HIVEP1: variants seen among roughly 807,000 people sequenced by gnomAD.
HIVEP1 encodes HIVEP zinc finger 1.
In HIVEP1, 36 loss-of-function variants were observed where a neutral mutation model predicts 180.0. The observed-to-expected ratio is 0.20, with a 90% CI of 0.15 to 0.26. The LOEUF (loss-of-function observed/expected upper bound fraction) is 0.26, where lower values mean the gene tolerates loss of function less well. Among genes scored for constraint, HIVEP1 ranks in the 10% least tolerant of loss-of-function variants. The probability of loss-of-function intolerance (pLI) is 1.00; values close to 1 mark genes in which losing one functional copy is unlikely to be tolerated. For missense variants in HIVEP1, 3,143 were observed against 3,268.7 expected, an observed-to-expected ratio of 0.96 and a Z score of 0.94; for synonymous variants, 1,239 against 1,239.0, an observed-to-expected ratio of 1.00 and a Z score of 0.00.
At chr6:12,050,606 A>G (rs7773907) in intron 2 of HIVEP1, among the ~76,000 whole-genome samples, 37,442 of 151,472 alleles carry the variant, frequency 0.25, 5,024 homozygotes, top group African/African-American at 0.36. Context: ...AAATAAAAAA[A>G]TTAAACACCA....
At chr6:12,026,868 A>T (rs983783391) in intron 2 of HIVEP1, among the ~76,000 whole-genome samples, 1 of 152,232 alleles carries the variant, frequency 6.6e-6, no homozygotes, top group Non-Finnish European at 1.5e-5. Context: ...AAATATCTTT[A>T]GTTTCTTCTT....
intron 2 of HIVEP1, chr6:12,037,956 C>A (rs1769402535): frequency 2.6e-6 from 1 of 387,850 alleles, no homozygotes; most frequent in Non-Finnish European, 4.5e-6. Context: ...CTCAAGTGAA[C>A]CTCCTGTGTT....
intron 2 of HIVEP1, among the ~76,000 whole-genome samples, chr6:12,050,858 A>G (rs933662705): frequency 1.2e-4 from 18 of 151,432 alleles, no homozygotes; most frequent in African/African-American, 3.6e-4. Context: ...GAAATGTTCT[A>G]TTGATGAAGG....
At chr6:12,153,389 G>T (rs1021954464) in intron 7 of HIVEP1, among the ~76,000 whole-genome samples, 1 of 152,060 alleles carries the variant, frequency 6.6e-6, no homozygotes, top group African/African-American at 2.4e-5. Flanking sequence ...GTAATTAACT[G>T]CATTTTTCAT....
intron 3 of HIVEP1, among the ~76,000 whole-genome samples, chr6:12,100,796 T>C (rs1035814980): frequency 6.6e-6 from 1 of 152,160 alleles, no homozygotes; most frequent in Non-Finnish European, 1.5e-5. Flanking sequence ...TTGGAAACTT[T>C]TTGAGCACTA....
chr6:12,122,242 C>T lies in HIVEP1; in HGVS notation c.2447C>T (p.Pro816Leu), dbSNP rs1192406034. The change falls in exon 4 of 9, where the codon CCT (proline) becomes CTT (leucine). Residue 816 changes from proline (P) to leucine (L), a missense_variant. Physicochemically the swap from Pro to Leu is moderately conservative, Grantham distance 98 (BLOSUM62 -3). Around this residue, in one of 12 missense-constraint regions of HIVEP1, gnomAD observed 204 missense variants for 243.7 expected, o/e 0.84. Transcript: ENST00000379388. ...GATATACCGAAGTCACCTTTCACCCCTACTGAAAAATCAAAGCAAGTGTTT... is the reference window on the plus strand; with the variant it reads ...GATATACCGAAGTCACCTTTCACCCTTACTGAAAAATCAAAGCAAGTGTTT... ...SSDIPKSPFT[P>L]TEKSKQVFLL... The T allele has an allele frequency of 3.1e-6, 5 of 1,614,076 alleles. No homozygotes were observed. The highest frequency in any genetic ancestry group is 2.2e-5 in the East Asian group (1 of 44,896).
At chr6:12,051,005 T>C (rs1236882055) in intron 2 of HIVEP1, among the ~76,000 whole-genome samples, 1 of 116,032 alleles carries the variant, frequency 8.6e-6, no homozygotes, top group African/African-American at 4.8e-5. Context: ...CAAGTGCATA[T>C]ATATATATAT....
intron 2 of HIVEP1, among the ~76,000 whole-genome samples, chr6:12,065,458 C>T (rs898391144): frequency 1.3e-5 from 2 of 152,150 alleles, no homozygotes; most frequent in Non-Finnish European, 2.9e-5. Flanking sequence ...GAGAAGTTGC[C>T]AGGTCAGGCA....
chr6:12,069,813 C>G (rs1020393960), intron 2 of HIVEP1, among the ~76,000 whole-genome samples: 1 of 151,814 alleles, frequency 6.6e-6, no homozygotes, highest in African/African-American at 2.4e-5. Context: ...TAATTTTTAA[C>G]TTTTTGACTC....
Position 12,089,172 on chromosome 6 carries a change from T to G in HIVEP1, c.41-12T>G, listed in dbSNP as rs747287534. ...GTAAATTAATTTATAAATTTTTCTC[T>G]GTTTTTCTTAGACAAAATTGAAGAA... On this transcript the variant is annotated splice_polypyrimidine_tract_variant and intron_variant, in intron 2 of 8. Coordinates refer to ENST00000379388, the MANE Select transcript of HIVEP1 (RefSeq NM_002114.4). The G allele has an allele frequency of 1.4e-6, 2 of 1,451,508 alleles. No individual in the cohort carries two copies. The highest frequency in any genetic ancestry group is 1.9e-6 in the Non-Finnish European group (2 of 1,040,618). The allele number at this position is 1,451,508 out of a possible 1,614,324, so 89.9% of individuals were successfully genotyped here.
Position 12,121,307 on chromosome 6 carries a change from A to G in HIVEP1, c.1512A>G (p.Arg504=). 1 of 1,614,192 alleles carries G rather than the reference A, an allele frequency of 6.2e-7. No homozygotes were observed. Reference sequence around the variant, plus strand: ...AGGAGGAAGGCGCCACTGATGAGAGACAGCATGACCTGGGCGCCATGGAGC... The same window carrying G: ...AGGAGGAAGGCGCCACTGATGAGAGGCAGCATGACCTGGGCGCCATGGAGC... ...ESEEEGATDE[R]QHDLGAMELQ... is the part of the protein sequence containing the mutation. Residue 504 remains arginine (R), a synonymous_variant, in exon 4 of 9, where the codon AGA becomes AGG. Coordinates refer to ENST00000379388, the MANE Select transcript of HIVEP1 (RefSeq NM_002114.4). The surrounding 1 kb of genome is among the most constrained non-coding windows in gnomAD (Gnocchi z 5.3).
At chr6:12,093,608 T>C (rs1053989135) in intron 3 of HIVEP1, among the ~76,000 whole-genome samples, 4 of 151,924 alleles carry the variant, frequency 2.6e-5, no homozygotes, top group African/African-American at 9.7e-5. Context: ...TTTTCTCAAG[T>C]GGGTAACCAT....
At chr6:12,169,874 A>G (rs1283723320), downstream of HIVEP1, among the ~76,000 whole-genome samples, 1 of 152,192 alleles carries the variant, frequency 6.6e-6, no homozygotes, top group African/African-American at 2.4e-5. Flanking sequence ...TAATCCCAGC[A>G]CTTCGGGAGG....
At chr6:12,196,368 T>C in the HIVEP1 span, among the ~76,000 whole-genome samples, 1 of 152,188 alleles carries the variant, frequency 6.6e-6, no homozygotes, top group Admixed American at 6.5e-5. Context: ...TTATAAGTCA[T>C]CTTTGGCAGT....
intron 2 of HIVEP1, among the ~76,000 whole-genome samples, chr6:12,033,958 G>C (rs1347817238): frequency 6.6e-6 from 1 of 152,180 alleles, no homozygotes; most frequent in African/African-American, 2.4e-5. Context: ...TTGTTGTAAG[G>C]TGAAATCAGG....
intron 3 of HIVEP1, among the ~76,000 whole-genome samples, chr6:12,116,713 C>CA (rs137923252): frequency 0.012 from 1,885 of 152,132 alleles, 15 homozygotes; most frequent in Non-Finnish European, 0.019. Flanking sequence ...GAACACAACT[C>CA]AAAAAAGACT....
At chr6:12,085,627 T>C (rs991332589) in intron 2 of HIVEP1, among the ~76,000 whole-genome samples, 2 of 152,128 alleles carry the variant, frequency 1.3e-5, no homozygotes, top group Non-Finnish European at 2.9e-5. Context: ...ACAGCATTCA[T>C]TGAACCAAAT....
chr6:12,170,358 G>T, the HIVEP1 span, among the ~76,000 whole-genome samples: 1 of 152,082 alleles, frequency 6.6e-6, no homozygotes, highest in Non-Finnish European at 1.5e-5. Flanking sequence ...AAGGGACTTG[G>T]TTAAGCAGAG....
At chr6:12,131,161 TA>T (rs1354953752) in intron 6 of HIVEP1, among the ~76,000 whole-genome samples, 1 of 151,652 alleles carries the variant, frequency 6.6e-6, no homozygotes, top group Admixed American at 6.6e-5. Context: ...ATAATAAATA[TA>T]ATATTTTTAA....
Sources: allele counts gnomAD v4.1 joint callset (sites outside exome capture counted in the v4.1 genomes callset), GRCh38; gene constraint gnomAD v4.1.1; regional missense constraint gnomAD v4.1.1; non-coding constraint Gnocchi (gnomAD v3.1); transcripts MANE v1.5; gene names NCBI Gene and HGNC (gene_info 2026-07-23, HGNC 2026-07-21).